VWA3B: variants seen among roughly 807,000 people sequenced by gnomAD.
The protein encoded by VWA3B is von Willebrand factor A domain-containing protein 3B.
Under a neutral mutation model 158.3 loss-of-function variants are expected in VWA3B, and 138 were observed. That is an observed-to-expected ratio of 0.87 (90% CI 0.76 to 1.00). The LOEUF is 1.00. VWA3B is among the 50% of genes least tolerant of loss of function. VWA3B has a pLI of 0.00. For synonymous variants in VWA3B, 596 were observed against 587.3 expected, an observed-to-expected ratio of 1.01 and a Z score of -0.21; for missense variants, 1,555 against 1,565.1, an observed-to-expected ratio of 0.99 and a Z score of 0.11.
chr2:98,121,292 T>G lies in VWA3B; in HGVS notation c.543-7T>G. 1 of 1,611,288 alleles carries G rather than the reference T, an allele frequency of 6.2e-7. No homozygotes were observed. Among genetic ancestry groups the G allele is most frequent in the African/African-American group, 1.3e-5 (1 of 75,008 alleles). ...GCCCAGTGACCACTCCATGTGATCC[T>G]TTTCAGGGTTTCTCAAGAGCCTGTG... On this transcript the variant is annotated splice_region_variant and splice_polypyrimidine_tract_variant and intron_variant, in intron 4 of 27. Transcript: ENST00000477737.
rs186602374 is a variant in VWA3B at position 98,134,827 on chromosome 2, T to C, written c.988+888T>C. ...GCTGCAAAGGCTCCCAGGAGAAGGT[T>C]AGGTTTTCAGATGGAGATAAAAGTG... On this transcript the variant is annotated intron_variant, in intron 7 of 27. Coordinates refer to ENST00000477737, the MANE Select transcript of VWA3B (RefSeq NM_144992.5). Among the ~76,000 whole-genome samples, 266 of 151,914 alleles carry C rather than the reference T, an allele frequency of 1.8e-3. 1 individual carries two copies. Among genetic ancestry groups the C allele is most frequent in the African/African-American group, 6.2e-3 (255 of 41,434 alleles).
In VWA3B at chr2:98,300,223, A is replaced by C; in HGVS notation, c.3420+7A>C. 1 of 1,613,896 alleles carries C rather than the reference A, an allele frequency of 6.2e-7. No homozygotes were observed. The highest frequency in any genetic ancestry group is 1.1e-5 in the South Asian group (1 of 90,922). ...GAAGTGTAACAACCGGAGAGTAAGT[A>C]GATTTTCATTTAGAAAAGGACTTTC... On this transcript the variant is annotated splice_region_variant and intron_variant, in intron 25 of 27. Transcript: ENST00000477737.
chr2:98,114,519 C>A (rs1674377098), intron 2 of VWA3B, among the ~76,000 whole-genome samples: 1 of 152,198 alleles, frequency 6.6e-6, no homozygotes, highest in Admixed American at 6.5e-5. Flanking sequence ...CTATAAAATT[C>A]AGCCTTGCTC....
At chr2:98,271,551 T>G (rs1688202305) in intron 22 of VWA3B, among the ~76,000 whole-genome samples, 1 of 152,238 alleles carries the variant, frequency 6.6e-6, no homozygotes, top group South Asian at 2.1e-4. Context: ...TCATAGACTT[T>G]CTCTGTGTTT....
chr2:98,233,764 G>T (rs996586640), intron 16 of VWA3B, among the ~76,000 whole-genome samples: 1 of 152,108 alleles, frequency 6.6e-6, no homozygotes, highest in Non-Finnish European at 1.5e-5. Context: ...TGTAGGAGAG[G>T]GTAAGTCCTC....
chr2:98,177,139 A>G (rs1206045810), intron 8 of VWA3B, among the ~76,000 whole-genome samples: 1 of 152,104 alleles, frequency 6.6e-6, no homozygotes, highest in Non-Finnish European at 1.5e-5. Flanking sequence ...TGCCCAATTT[A>G]TCTATTTGTG....
At chr2:98,280,795 G>A (rs1574269577) in intron 22 of VWA3B, among the ~76,000 whole-genome samples, 2 of 152,328 alleles carry the variant, frequency 1.3e-5, no homozygotes, top group African/African-American at 4.8e-5. Flanking sequence ...AAGTGCCTAA[G>A]ACTACTGGAA....
rs576713710 is a variant in VWA3B, at chr2:98,302,866, G to A, written c.3421-836G>A. Among the ~76,000 whole-genome samples the A allele has an allele frequency of 1.5e-4, 23 of 152,264 alleles. No individual in the cohort carries two copies. In the South Asian group the frequency reaches 1.9e-3, roughly 12 times the overall value. On this transcript the variant is annotated intron_variant, in intron 25 of 27. Coordinates refer to ENST00000477737, the MANE Select transcript of VWA3B (RefSeq NM_144992.5). ...TGGGAAATGAAATTTAGGGTTAAGCGCAAAGGAGAAAGACCATCAGAGCCA... is the reference window on the plus strand; with the variant it reads ...TGGGAAATGAAATTTAGGGTTAAGCACAAAGGAGAAAGACCATCAGAGCCA...
intron 13 of VWA3B, among the ~76,000 whole-genome samples, chr2:98,212,330 T>C (rs1235613909): frequency 2.0e-5 from 3 of 152,236 alleles, no homozygotes; most frequent in Non-Finnish European, 2.9e-5. Context: ...TTGCATTTTA[T>C]TACAAATGAA....
intron 12 of VWA3B, chr2:98,206,636 G>A: frequency 2.6e-6 from 1 of 379,368 alleles, no homozygotes; most frequent in South Asian, 2.6e-5. Flanking sequence ...GAAACAGTTT[G>A]CTCCCATTTA....
chr2:98,206,609 A>G, intron 12 of VWA3B: 1 of 433,478 alleles, frequency 2.3e-6, no homozygotes, highest in South Asian at 2.1e-5. Flanking sequence ...TATTGATGAA[A>G]GCGGTCCCAT....
chr2:98,297,300 T>C (rs1689866316), intron 23 of VWA3B, among the ~76,000 whole-genome samples: 1 of 152,166 alleles, frequency 6.6e-6, no homozygotes. Flanking sequence ...CAGGCTGGTC[T>C]TGAACTCCTG....
chr2:98,270,879 G>A lies in VWA3B; in HGVS notation c.3041G>A (p.Gly1014Glu), dbSNP rs1283436058. 1.2e-6 allele frequency: 2 copies of A among 1,613,832 alleles called. No individual in the cohort carries two copies. Among genetic ancestry groups the A allele is most frequent in the Non-Finnish European group, 1.7e-6 (2 of 1,179,850 alleles). ...AKKNYANKAPGEQQKLQGNPT... is the reference protein window; with the variant it reads ...AKKNYANKAPEEQQKLQGNPT... Reference sequence around the variant, plus strand: ...AAGAATTATGCAAACAAGGCCCCGGGAGAGGTGGGTGCCCTGGAGGTCTCT... The same window carrying A: ...AAGAATTATGCAAACAAGGCCCCGGAAGAGGTGGGTGCCCTGGAGGTCTCT... Residue 1014 changes from glycine to glutamate, a missense_variant, in exon 22 of 28, where the codon GGA becomes GAA. Coordinates refer to ENST00000477737, the MANE Select transcript of VWA3B (RefSeq NM_144992.5).
At chr2:98,180,156 T>C (rs1475201241) in intron 8 of VWA3B, among the ~76,000 whole-genome samples, 3 of 143,182 alleles carry the variant, frequency 2.1e-5, no homozygotes, top group African/African-American at 7.5e-5. Flanking sequence ...TCTCTCTTTC[T>C]TTCTTTTCTT....
intron 22 of VWA3B, among the ~76,000 whole-genome samples, chr2:98,277,465 C>A (rs1399277074): frequency 6.6e-6 from 1 of 152,230 alleles, no homozygotes; most frequent in Non-Finnish European, 1.5e-5. Flanking sequence ...AGGGCAAATC[C>A]TTTGGCCCAG....
chr2:98,132,275 C>A (rs1183784612), intron 6 of VWA3B, among the ~76,000 whole-genome samples: 1 of 152,220 alleles, frequency 6.6e-6, no homozygotes, highest in Non-Finnish European at 1.5e-5. Context: ...GAGTAGTGCC[C>A]CTGCCTTCTC....
intron 7 of VWA3B, among the ~76,000 whole-genome samples, chr2:98,155,049 G>A (rs969135977): frequency 6.6e-6 from 1 of 152,180 alleles, no homozygotes; most frequent in South Asian, 2.1e-4. Flanking sequence ...AGGAAGTCAC[G>A]GTTTAATGAA....
intron 7 of VWA3B, among the ~76,000 whole-genome samples, chr2:98,160,518 G>A (rs1678486677): frequency 6.6e-6 from 1 of 152,116 alleles, no homozygotes; most frequent in South Asian, 2.1e-4. Context: ...CCCTGTCCCT[G>A]GATGACCAAG....
At chr2:98,133,112 T>C (rs2105046510) in intron 6 of VWA3B, among the ~76,000 whole-genome samples, 1 of 152,318 alleles carries the variant, frequency 6.6e-6, no homozygotes, top group Non-Finnish European at 1.5e-5. Context: ...ACTTAGCCCA[T>C]CACCCTGTGC....
Sources: gnomAD v4.1 joint callset for allele counts (sites outside exome capture counted in the v4.1 genomes callset) on GRCh38, gnomAD v4.1.1 for gene constraint, MANE v1.5 for transcripts, NCBI Gene and HGNC (gene_info 2026-07-23, HGNC 2026-07-21) for gene names.